The following NRCAM variants were observed in gnomAD, a reference collection of about 807,000 sequenced individuals.
NRCAM encodes the protein NgCAM-related cell adhesion molecule.
A neutral mutation model predicts 156.5 loss-of-function variants in NRCAM; 83 were observed. That is an observed-to-expected ratio of 0.53 (90% CI 0.44 to 0.64). The LOEUF (loss-of-function observed/expected upper bound fraction) is 0.64, where lower values mean the gene tolerates loss of function less well. NRCAM is among the 30% of genes least tolerant of loss of function. NRCAM has a pLI of 0.00. For synonymous variants in NRCAM, 538 were observed against 563.9 expected, an observed-to-expected ratio of 0.95 and a Z score of 0.65; for missense variants, 1,417 against 1,597.3, an observed-to-expected ratio of 0.89 and a Z score of 1.92.
intron 20 of NRCAM, among the ~76,000 whole-genome samples, chr7:108,188,957 T>A (rs768696762): frequency 6.6e-6 from 1 of 151,086 alleles, no homozygotes; most frequent in African/African-American, 2.4e-5. Context: ...TGTGACCTGA[T>A]TGTGTCTGCC....
Position 108,180,186 on chromosome 7 carries a change from A to G in NRCAM, c.2851+37T>C, listed in dbSNP as rs781007937. The G allele has an allele frequency of 2.5e-6, 4 of 1,577,556 alleles. No individual in the cohort carries two copies. In the Admixed American group the frequency reaches 6.7e-5, roughly 26 times the overall value. On this transcript the variant is annotated intron_variant, in intron 25 of 32. Transcript: ENST00000379028. ...GGCAAAACCTCTCAGGCCATGCCAT[A>G]TGTTCCTGAGATCTTAGAGACACGT... is the stretch of plus-strand genomic sequence containing the variant.
Position 108,178,024 on chromosome 7 carries a change from G to C in NRCAM, c.2940C>G (p.Gly980=). 6.2e-7 allele frequency: 1 copy of C among 1,613,446 alleles called. No homozygotes were observed. The highest frequency in any genetic ancestry group is 8.5e-7 in the Non-Finnish European group (1 of 1,179,582). Residue 980 remains glycine, a synonymous_variant, in exon 26 of 33, where the codon GGC becomes GGG. Coordinates refer to ENST00000379028, the MANE Select transcript of NRCAM (RefSeq NM_001037132.4). ...LEWDPPSHPN[G]ILTEYTLKYQ... ...ACTTTAAGGTGTACTCTGTCAAAAT[G>C]CCATTCGGGTGGCTCGGTGGATCCC...
At chr7:108,182,041 C>T in intron 23 of NRCAM, 104 bp from the exon 24 acceptor site, 2 of 746,874 alleles carry the variant, frequency 2.7e-6, no homozygotes, top group Non-Finnish European at 4.6e-6. Flanking sequence ...TACTGCAGAC[C>T]TATTCTATGG....
rs73422139 is a variant in NRCAM at position 108,377,028 on chromosome 7, T to C, written c.-174+22408A>G. On this transcript the variant is annotated intron_variant, in intron 2 of 32. Transcript: ENST00000379028. The stretch of plus-strand genomic sequence containing the variant: ...AATAAATACAAAAATTAGCTAGGTG[T>C]TGTGATGTACCTGTAGTCCTAGCTA... Among the ~76,000 whole-genome samples, 1,188 of 141,236 alleles carry C rather than the reference T, an allele frequency of 8.4e-3. 19 individuals are homozygous for C. The highest frequency in any genetic ancestry group is 0.028 in the African/African-American group (1,149 of 40,500). The allele number at this position is 141,236 out of a possible 152,430, so 92.7% of individuals were successfully genotyped here. A position where few individuals can be genotyped will look rare whatever the true frequency, so the allele number is the denominator to read the frequency against.
intron 3 of NRCAM, among the ~76,000 whole-genome samples, chr7:108,290,303 A>G (rs2098247087): frequency 6.6e-6 from 1 of 152,130 alleles, no homozygotes; most frequent in Non-Finnish European, 1.5e-5. Flanking sequence ...AGAAAGCAAA[A>G]AGGATCATCT....
intron 1 of NRCAM, among the ~76,000 whole-genome samples, chr7:108,438,744 G>GA (rs1835116856): frequency 6.6e-6 from 1 of 152,060 alleles, no homozygotes; most frequent in African/African-American, 2.4e-5. Context: ...AGGAAATCCT[G>GA]AGAAATCCAT....
At chr7:108,329,941 G>A (rs1360267376) in intron 2 of NRCAM, among the ~76,000 whole-genome samples, 1 of 152,160 alleles carries the variant, frequency 6.6e-6, no homozygotes, top group Non-Finnish European at 1.5e-5. Flanking sequence ...GAAATAGGGA[G>A]GAAAGCCTTT....
intron 3 of NRCAM, among the ~76,000 whole-genome samples, chr7:108,272,511 C>T (rs1024507853): frequency 2.0e-5 from 3 of 152,136 alleles, no homozygotes; most frequent in South Asian, 2.1e-4. Context: ...AATGTTTGTA[C>T]GTTTTACTGA....
intron 3 of NRCAM, among the ~76,000 whole-genome samples, chr7:108,271,458 G>T (rs545569510): frequency 2.4e-4 from 36 of 152,234 alleles, no homozygotes; most frequent in African/African-American, 8.4e-4. Context: ...AGCACTTTGG[G>T]AGGCTAACGC....
At chr7:108,261,369 T>C (rs546340450) in intron 3 of NRCAM, among the ~76,000 whole-genome samples, 2 of 152,210 alleles carry the variant, frequency 1.3e-5, no homozygotes, top group South Asian at 4.1e-4. Flanking sequence ...TGTTGTCCAG[T>C]AAGTAGATAG....
intron 1 of NRCAM, among the ~76,000 whole-genome samples, chr7:108,405,101 A>G (rs2099803577): frequency 6.6e-6 from 1 of 152,206 alleles, no homozygotes; most frequent in South Asian, 2.1e-4. Context: ...CTTGCTATGT[A>G]TATTTTCTGT....
chr7:108,219,867 A>T (rs1428478992), intron 11 of NRCAM, among the ~76,000 whole-genome samples: 1 of 152,208 alleles, frequency 6.6e-6, no homozygotes. Flanking sequence ...CAGACAAGAG[A>T]AAGAAATAAA....
chr7:108,231,207 A>G (rs201623902), intron 7 of NRCAM, 54 bp from the exon 8 acceptor site: 14 of 1,383,114 alleles, frequency 1.0e-5, no homozygotes, highest in Middle Eastern at 1.9e-4. Context: ...AAGTACAAAA[A>G]GAAAGCCCTA....
chr7:108,153,960 A>T (rs1482531985), intron 32 of NRCAM, among the ~76,000 whole-genome samples: 1 of 152,162 alleles, frequency 6.6e-6, no homozygotes, highest in African/African-American at 2.4e-5. Context: ...CCATGGATAG[A>T]AGACTCAAAT....
intron 15 of NRCAM, among the ~76,000 whole-genome samples, chr7:108,194,921 A>G (rs2074080293): frequency 6.6e-6 from 1 of 152,174 alleles, no homozygotes; most frequent in Admixed American, 6.5e-5. Flanking sequence ...GAGGTAGAGG[A>G]CTTAAACCTC....
chr7:108,335,381 C>T (rs568019912), intron 2 of NRCAM, among the ~76,000 whole-genome samples: 6 of 150,040 alleles, frequency 4.0e-5, no homozygotes, highest in African/African-American at 1.2e-4. Context: ...GTGGAAACTT[C>T]CCTTCCAATT....
chr7:108,420,445 A>G (rs1807965233), intron 1 of NRCAM, among the ~76,000 whole-genome samples: 1 of 152,216 alleles, frequency 6.6e-6, no homozygotes, highest in Non-Finnish European at 1.5e-5. Flanking sequence ...TCTTTAAAGT[A>G]AATAAATAGG....
intron 8 of NRCAM, among the ~76,000 whole-genome samples, chr7:108,226,879 C>T (rs557533749): frequency 6.6e-6 from 1 of 152,290 alleles, no homozygotes; most frequent in African/African-American, 2.4e-5. Context: ...AGAGTCCCAG[C>T]CCTGTCTGAG....
rs2150786788 is a variant in NRCAM at position 108,149,109 on chromosome 7, A to G, written c.*801T>C. On this transcript the variant is annotated 3_prime_UTR_variant, in exon 33 of 33. Coordinates refer to ENST00000379028, the MANE Select transcript of NRCAM (RefSeq NM_001037132.4). ...TGTCTTGCCCTGTGTTCTCTGAAAT[A>G]ATGTTTGAAATTTAATTTGGATGAT... The G allele has an allele frequency of 6.5e-6, 1 of 152,762 alleles. No individual in the cohort carries two copies. Among genetic ancestry groups the G allele is most frequent in the East Asian group, 1.9e-4 (1 of 5,192 alleles). 9.5% of individuals were successfully genotyped at this position (152,762 alleles called of 1,614,324 possible).
Sources: allele counts gnomAD v4.1 joint callset (sites outside exome capture counted in the v4.1 genomes callset), GRCh38; gene constraint gnomAD v4.1.1; transcripts MANE v1.5; gene names NCBI Gene and HGNC (gene_info 2026-07-23, HGNC 2026-07-21).